Variants in CENPI observed in about 807,000 individuals in gnomAD.
CENPI encodes centromere protein I.
A neutral mutation model predicts 60.4 loss-of-function variants in CENPI; 4 were observed. The ratio of observed to expected loss-of-function variants is 0.07; its 90% CI spans 0.03 to 0.15. CENPI has a LOEUF of 0.15. Ranked by LOEUF, CENPI falls within the 10% of genes least tolerant of loss-of-function variation. CENPI has a pLI of 1.00. For missense variants in CENPI, 444 were observed against 534.5 expected (o/e 0.83, Z 1.67); for synonymous variants, 157 against 189.4 (o/e 0.83, Z 1.40).
chrX:101,143,057 G>A (rs1234833201), intron 16 of CENPI, among the ~76,000 whole-genome samples: 7 of 84,849 alleles, frequency 8.2e-5, no homozygotes, highest in Admixed American at 1.4e-4. Flanking sequence ...GCGACAGAGT[G>A]AGACTCCATC....
intron 21 of CENPI, among the ~76,000 whole-genome samples, chrX:101,162,474 A>ATG (rs1569504911): frequency 1.6e-5 from 1 of 62,226 alleles, no homozygotes; most frequent in East Asian, 3.9e-4. Flanking sequence ...AAAAAAAAAA[A>ATG]TATATATATA....
intron 6 of CENPI, among the ~76,000 whole-genome samples, chrX:101,119,961 C>G (rs1019892263): frequency 1.8e-5 from 2 of 111,139 alleles, no homozygotes; most frequent in Non-Finnish European, 3.8e-5. Context: ...TAGAGACCAG[C>G]CTGGGCAACA....
At chrX:101,108,648 G>GTT (rs372833421) in intron 4 of CENPI, among the ~76,000 whole-genome samples, 1,908 of 98,926 alleles carry the variant, frequency 0.019, 64 homozygotes, top group African/African-American at 0.064. Flanking sequence ...TTGCCTTATA[G>GTT]TTTTTTTTTT....
At chrX:101,111,449 A>G (rs1446905527) in intron 6 of CENPI, among the ~76,000 whole-genome samples, 1 of 110,686 alleles carries the variant, frequency 9.0e-6, no homozygotes, top group Non-Finnish European at 1.9e-5. Flanking sequence ...GGTGGGTAAA[A>G]CTGCTGGCCA....
chrX:101,171,739 T>C, the CENPI span, among the ~76,000 whole-genome samples: 3 of 112,119 alleles, frequency 2.7e-5, no homozygotes, highest in African/African-American at 6.5e-5. Context: ...ATAAAACTTT[T>C]AGATAAAACA....
the CENPI span, among the ~76,000 whole-genome samples, chrX:101,177,055 G>A: frequency 1.8e-5 from 2 of 111,285 alleles, no homozygotes; most frequent in East Asian, 2.8e-4. Context: ...GAGTCTCAGC[G>A]TGGTGTATGT....
chrX:101,105,477 T>A (rs2089473202), intron 4 of CENPI, among the ~76,000 whole-genome samples: 4 of 111,682 alleles, frequency 3.6e-5, no homozygotes, highest in Admixed American at 1.9e-4. Context: ...TGAGCCGAGG[T>A]CATGCCACTG....
intron 20 of CENPI, among the ~76,000 whole-genome samples, chrX:101,160,581 G>A (rs934623828): frequency 6.5e-5 from 7 of 108,037 alleles, no homozygotes; most frequent in African/African-American, 2.0e-4. Flanking sequence ...GTAGAGACGG[G>A]GCTTCACCAC....
At chrX:101,141,081 T>C (rs1305516462) in intron 16 of CENPI, 2 of 129,257 alleles carry the variant, frequency 1.5e-5, no homozygotes, top group African/African-American at 6.3e-5. Context: ...TTATAAATTA[T>C]ATTCTTATAT....
At chrX:101,139,821 T>G (rs1036628099) in intron 15 of CENPI, among the ~76,000 whole-genome samples, 3 of 33,365 alleles carry the variant, frequency 9.0e-5, no homozygotes, top group African/African-American at 1.5e-4. Context: ...TTATTGTATG[T>G]TTTTTTTTTT....
At chrX:101,098,599 T>C (rs1602749503) in intron 2 of CENPI, 60 bp downstream of exon 2, 1 of 111,633 alleles carries the variant, frequency 9.0e-6, no homozygotes, top group Middle Eastern at 4.6e-3. Context: ...AACTTAGAAG[T>C]CATTTTTGGT....
At chrX:101,123,701 C>T (rs1280815869) in intron 8 of CENPI, among the ~76,000 whole-genome samples, 1 of 110,492 alleles carries the variant, frequency 9.1e-6, no homozygotes, top group Non-Finnish European at 1.9e-5. Context: ...GATCCTCCCT[C>T]CTCAGCCTCT....
chrX:101,105,456 G>A (rs1366711600), intron 4 of CENPI, among the ~76,000 whole-genome samples: 3 of 111,913 alleles, frequency 2.7e-5, no homozygotes, highest in East Asian at 2.8e-4. Context: ...CCCAGGAGGC[G>A]GAGCTTGCAG....
At chrX:101,107,793 C>A (rs946974815) in intron 4 of CENPI, among the ~76,000 whole-genome samples, 1 of 109,407 alleles carries the variant, frequency 9.1e-6, no homozygotes, top group African/African-American at 3.3e-5. Flanking sequence ...CTCAGCCTCC[C>A]GAGTGGCTGG....
intron 8 of CENPI, among the ~76,000 whole-genome samples, chrX:101,126,420 G>A (rs1347860559): frequency 1.8e-5 from 2 of 111,801 alleles, no homozygotes; most frequent in African/African-American, 3.3e-5. Flanking sequence ...TGCTATGCTA[G>A]TAAGTATGAC....
intron 6 of CENPI, among the ~76,000 whole-genome samples, chrX:101,111,017 C>T (rs1160225854): frequency 2.7e-5 from 3 of 111,191 alleles, no homozygotes; most frequent in South Asian, 7.5e-4. Context: ...AATAGACCAG[C>T]CTGACCTAAT....
At chrX:101,166,143 T>C (rs1035597495), downstream of CENPI, among the ~76,000 whole-genome samples, 3 of 112,020 alleles carry the variant, frequency 2.7e-5, no homozygotes, top group Non-Finnish European at 5.6e-5. Flanking sequence ...TTTTTGTGCC[T>C]ATTTCTCTTT....
rs980575156 is a variant in CENPI at position 101,153,444 on chromosome X, C to T, written c.2094+5283C>T. ...TCCTGAGTAGCTGGGACTACAAGCG[C>T]ACGCCACCACTCCTGACCGTTTTTT... On this transcript the variant is annotated intron_variant, in intron 20 of 21. Coordinates refer to ENST00000682095, the MANE Select transcript of CENPI (RefSeq NM_001386188.2). 6.4e-5 allele frequency among the ~76,000 whole-genome samples: 7 copies of T among 109,407 alleles called. No individual in the cohort carries two copies. The East Asian group carries it at 1.7e-3, about 27-fold the overall frequency.
At chrX:101,159,724 A>G (rs1250202682) in intron 20 of CENPI, among the ~76,000 whole-genome samples, 4 of 110,875 alleles carry the variant, frequency 3.6e-5, no homozygotes, top group African/African-American at 1.3e-4. Context: ...GGCCTCCCAA[A>G]ATGTTGGGAT....
Sources: gnomAD v4.1 joint callset for allele counts (sites outside exome capture counted in the v4.1 genomes callset) on GRCh38, gnomAD v4.1.1 for gene constraint, MANE v1.5 for transcripts, NCBI Gene and HGNC (gene_info 2026-07-23, HGNC 2026-07-21) for gene names.